EYS: variants seen among roughly 807,000 people sequenced by gnomAD.
EYS encodes EGF-like photoreceptor maintenance factor.
Under a neutral mutation model 282.1 loss-of-function variants are expected in EYS, and 250 were observed. The ratio of observed to expected loss-of-function variants is 0.89; its 90% CI spans 0.80 to 0.98. The LOEUF is 0.98. Among genes scored for constraint, EYS ranks in the 50% least tolerant of loss-of-function variants. The pLI is 0.00. For missense variants in EYS, 4,016 were observed against 3,709.0 expected (o/e 1.08, Z -2.15); for synonymous variants, 1,355 against 1,282.9 (o/e 1.06, Z -1.20).
At chr6:64,974,794 C>T (rs1356611922) in intron 14 of EYS, among the ~76,000 whole-genome samples, 1 of 151,750 alleles carries the variant, frequency 6.6e-6, no homozygotes, top group Non-Finnish European at 1.5e-5. Context: ...GGACTTTTCA[C>T]GTTTATGTGC....
chr6:65,685,019 T>C (rs1201342696), intron 1 of EYS, among the ~76,000 whole-genome samples: 1 of 151,984 alleles, frequency 6.6e-6, no homozygotes, highest in Non-Finnish European at 1.5e-5. Context: ...TTCTATGGCC[T>C]GAGGAGATGA....
chr6:64,151,078 C>T (rs1774688086), intron 31 of EYS, among the ~76,000 whole-genome samples: 1 of 150,928 alleles, frequency 6.6e-6, no homozygotes. Flanking sequence ...TTTAAGTATA[C>T]AAATATTTTT....
Position 63,789,079 on chromosome 6 carries a change from G to A in EYS, c.7557C>T (p.Phe2519=), listed in dbSNP as rs1237883344. Residue 2519 remains phenylalanine, a synonymous_variant, in exon 38 of 43, where the codon TTC becomes TTT. Coordinates refer to ENST00000503581, the MANE Select transcript of EYS (RefSeq NM_001142800.2). ...TTACCTTCAGCCAGCCCTCTTGGAA[G>A]AACTTGCCCAGATGAACAGTGTGGA... ...LGVHTVHLGK[F]FQEGWLKVDD... 3.9e-6 allele frequency: 6 copies of A among 1,551,426 alleles called. No individual in the cohort carries two copies. The highest frequency in any genetic ancestry group is 5.2e-6 in the Non-Finnish European group (6 of 1,146,908).
chr6:65,444,234 A>C (rs1768564657), intron 5 of EYS, among the ~76,000 whole-genome samples: 1 of 151,992 alleles, frequency 6.6e-6, no homozygotes, highest in Non-Finnish European at 1.5e-5. Flanking sequence ...TTCAGGCACT[A>C]TTTTTTAAAA....
chr6:64,745,664 C>T (rs1165787004), intron 22 of EYS, among the ~76,000 whole-genome samples: 1 of 152,020 alleles, frequency 6.6e-6, no homozygotes, highest in Non-Finnish European at 1.5e-5. Flanking sequence ...TATTTTAAAA[C>T]TTATTAGCCA....
intron 12 of EYS, among the ~76,000 whole-genome samples, chr6:65,184,898 G>A (rs1765479704): frequency 6.6e-6 from 1 of 151,566 alleles, no homozygotes; most frequent in South Asian, 2.1e-4. Flanking sequence ...AAGATGTGAA[G>A]ACACTAATGT....
intron 22 of EYS, among the ~76,000 whole-genome samples, chr6:64,642,378 T>G (rs1407870605): frequency 6.6e-6 from 1 of 152,238 alleles, no homozygotes; most frequent in Admixed American, 6.5e-5. Context: ...TGAGATTTAA[T>G]GTGCCATTAT....
chr6:64,509,112 T>C (rs1777304997), intron 26 of EYS, among the ~76,000 whole-genome samples: 1 of 152,164 alleles, frequency 6.6e-6, no homozygotes, highest in Admixed American at 6.6e-5. Flanking sequence ...AAATTTTAAT[T>C]TTAAATTACA....
intron 22 of EYS, among the ~76,000 whole-genome samples, chr6:64,767,390 T>A (rs548266907): frequency 6.6e-6 from 1 of 152,190 alleles, no homozygotes; most frequent in South Asian, 2.1e-4. Flanking sequence ...TAGCTGTAAT[T>A]TTGTATCCTT....
intron 9 of EYS, among the ~76,000 whole-genome samples, chr6:65,348,615 G>C (rs962101480): frequency 7.9e-5 from 12 of 151,366 alleles, no homozygotes; most frequent in African/African-American, 2.9e-4. Context: ...CTGTATTCTG[G>C]TTATTAATCC....
At chr6:64,580,512 G>C (rs1416119618) in intron 26 of EYS, among the ~76,000 whole-genome samples, 2 of 152,156 alleles carry the variant, frequency 1.3e-5, no homozygotes, top group African/African-American at 4.8e-5. Flanking sequence ...GCAACTGTAT[G>C]ACAGGACTGA....
chr6:65,176,391 G>A (rs889924106), intron 12 of EYS, among the ~76,000 whole-genome samples: 27 of 151,498 alleles, frequency 1.8e-4, no homozygotes, highest in South Asian at 2.1e-4. Context: ...CTTCCCAGAC[G>A]AAAATTAGAA....
chr6:63,778,021 C>T lies in EYS; in HGVS notation c.7883G>A (p.Ser2628Asn). Reference protein sequence around the residue: ...KCGNGGTCIESGTSVYCNCTT... With the variant: ...KCGNGGTCIENGTSVYCNCTT... ...TCATACTTACTAAACACTAGTTCCA[C>T]TCTCTATGCATGTCCCACCATTGCC... The change falls in exon 40 of 43, where the codon AGT becomes AAT. Residue 2628 changes from serine to asparagine, a missense_variant. By Grantham distance (46) the Ser-to-Asn change is conservative (BLOSUM62 1). Coordinates refer to ENST00000503581, the MANE Select transcript of EYS (RefSeq NM_001142800.2). The T allele has an allele frequency of 1.3e-6, 2 of 1,551,674 alleles. No homozygotes were observed. Among genetic ancestry groups the T allele is most frequent in the Non-Finnish European group, 1.7e-6 (2 of 1,146,914 alleles).
At chr6:64,314,194 C>CAAAAAAAAAAAAAAAAAAAAAA (rs138447983) in intron 29 of EYS, among the ~76,000 whole-genome samples, 1 of 27,676 alleles carries the variant, frequency 3.6e-5, no homozygotes, top group Non-Finnish European at 6.0e-5. Context: ...AAATGGAAAG[C>CAAAAAAAAAAAAAAAAAAAAAA]AAAAAAAAAA....
chr6:63,872,631 G>T (rs144458103), intron 35 of EYS, among the ~76,000 whole-genome samples: 1 of 151,580 alleles, frequency 6.6e-6, no homozygotes, highest in South Asian at 2.1e-4. Flanking sequence ...GGCACATGCC[G>T]CCATGCCTGG....
At chr6:64,918,743 C>T (rs969317233) in intron 15 of EYS, among the ~76,000 whole-genome samples, 2 of 152,180 alleles carry the variant, frequency 1.3e-5, no homozygotes, top group African/African-American at 2.4e-5. Flanking sequence ...GATAATGATG[C>T]CATCAGGTAG....
chr6:64,180,837 C>T (rs1764768354), intron 31 of EYS, among the ~76,000 whole-genome samples: 1 of 152,070 alleles, frequency 6.6e-6, no homozygotes, highest in Admixed American at 6.6e-5. Flanking sequence ...TTTGAGGATA[C>T]ATATGCAGGT....
At chr6:65,603,183 C>T (rs148244062) in intron 2 of EYS, among the ~76,000 whole-genome samples, 2,252 of 152,042 alleles carry the variant, frequency 0.015, 18 homozygotes, top group African/African-American at 0.022. Flanking sequence ...GCTTTAGAGG[C>T]TCACAGCCCA....
chr6:64,143,723 A>G (rs1322867471), intron 31 of EYS, among the ~76,000 whole-genome samples: 2 of 152,220 alleles, frequency 1.3e-5, no homozygotes, highest in African/African-American at 2.4e-5. Context: ...AGACACATGA[A>G]GAAAAGTCAG....
Sources: gnomAD v4.1 joint callset for allele counts (sites outside exome capture counted in the v4.1 genomes callset) on GRCh38, gnomAD v4.1.1 for gene constraint, MANE v1.5 for transcripts, NCBI Gene and HGNC (gene_info 2026-07-23, HGNC 2026-07-21) for gene names.